Variants in GABRG3 observed in about 807,000 individuals in gnomAD.
The protein encoded by GABRG3 is gamma-aminobutyric acid receptor subunit gamma-3.
A neutral mutation model predicts 48.8 loss-of-function variants in GABRG3; 25 were observed. The observed-to-expected ratio is 0.51, with a 90% CI of 0.37 to 0.72. The LOEUF (loss-of-function observed/expected upper bound fraction) is 0.72, where lower values mean the gene tolerates loss of function less well. GABRG3 is among the 30% of genes least tolerant of loss of function. GABRG3 has a pLI of 0.00. For synonymous variants in GABRG3, 227 were observed against 217.6 expected (o/e 1.04, Z -0.38); for missense variants, 394 against 577.9 (o/e 0.68, Z 3.26).
intron 2 of GABRG3, among the ~76,000 whole-genome samples, chr15:27,025,024 CA>C (rs34897569): frequency 1.5e-3 from 133 of 91,634 alleles, no homozygotes; most frequent in Non-Finnish European, 1.6e-3. Context: ...GACCCTGTCT[CA>C]AAAAAAAAAA....
At chr15:27,216,778 A>ATTTTTTTTTTTTTTTTTTT (rs57030355) in intron 3 of GABRG3, among the ~76,000 whole-genome samples, 2 of 119,624 alleles carry the variant, frequency 1.7e-5, no homozygotes, top group African/African-American at 3.2e-5. Context: ...TTATTTTTTA[A>ATTTTTTTTTTTTTTTTTTT]TTTTTTTTTT....
At chr15:27,388,155 GAAGA>G (rs1164964378) in intron 5 of GABRG3, among the ~76,000 whole-genome samples, 5 of 77,298 alleles carry the variant, frequency 6.5e-5, no homozygotes, top group African/African-American at 7.8e-5. Flanking sequence ...AGGAAGGAAG[GAAGA>G]AAGGAAGGAA....
chr15:27,471,096 T>C (rs950933016), intron 5 of GABRG3, among the ~76,000 whole-genome samples: 1 of 152,122 alleles, frequency 6.6e-6, no homozygotes, highest in Non-Finnish European at 1.5e-5. Context: ...ATTACTCAGA[T>C]CAGCCTCTCC....
At chr15:27,531,509 C>A (rs553197809) in intron 9 of GABRG3, among the ~76,000 whole-genome samples, 16 of 152,346 alleles carry the variant, frequency 1.1e-4, no homozygotes, top group Admixed American at 1.3e-4. Flanking sequence ...CACACCCAGG[C>A]AAAGGCCCTT....
chr15:27,430,410 A>T (rs7175496), intron 5 of GABRG3, among the ~76,000 whole-genome samples: 35,878 of 151,874 alleles, frequency 0.24, 5,944 homozygotes, highest in African/African-American at 0.45. Flanking sequence ...TAAATTAAAA[A>T]TAATTTGACC....
chr15:27,075,183 G>A (rs1314296159), intron 3 of GABRG3, among the ~76,000 whole-genome samples: 1 of 152,168 alleles, frequency 6.6e-6, no homozygotes, highest in Non-Finnish European at 1.5e-5. Flanking sequence ...TTCTTAAGAT[G>A]AGGTGAAAAT....
intron 3 of GABRG3, among the ~76,000 whole-genome samples, chr15:27,325,110 G>A (rs1235033385): frequency 7.6e-6 from 1 of 132,180 alleles, no homozygotes; most frequent in African/African-American, 3.5e-5. Context: ...ACCTGCTTTC[G>A]TTTCATTTCA....
At chr15:26,996,681 G>A (rs1420012522) in intron 2 of GABRG3, among the ~76,000 whole-genome samples, 2 of 150,638 alleles carry the variant, frequency 1.3e-5, no homozygotes, top group African/African-American at 4.9e-5. Context: ...ACAGAGTCTT[G>A]CTCAGTCACC....
chr15:27,280,356 C>G (rs1164069247), intron 3 of GABRG3: 3 of 152,102 alleles, frequency 2.0e-5, no homozygotes, highest in Admixed American at 2.0e-4. Flanking sequence ...GTCTCCTATT[C>G]AAGTGCTGAC....
intron 5 of GABRG3, among the ~76,000 whole-genome samples, chr15:27,453,288 A>G (rs1218464084): frequency 6.6e-6 from 1 of 152,232 alleles, no homozygotes; most frequent in Admixed American, 6.5e-5. Context: ...TTCTCCTCAC[A>G]CACACATACT....
intron 3 of GABRG3, among the ~76,000 whole-genome samples, chr15:27,111,663 C>T (rs1041958044): frequency 6.6e-6 from 1 of 152,134 alleles, no homozygotes; most frequent in Non-Finnish European, 1.5e-5. Context: ...GGGTCTACGC[C>T]TTGTAGCTGT....
At chr15:27,112,917 A>G (rs1566938543) in intron 3 of GABRG3, among the ~76,000 whole-genome samples, 1 of 152,174 alleles carries the variant, frequency 6.6e-6, no homozygotes, top group South Asian at 2.1e-4. Flanking sequence ...ATCCCTTACA[A>G]CATGGAAACT....
At chr15:27,374,490 C>T (rs1181324592) in intron 5 of GABRG3, among the ~76,000 whole-genome samples, 1 of 151,968 alleles carries the variant, frequency 6.6e-6, no homozygotes, top group Non-Finnish European at 1.5e-5. Flanking sequence ...TTTTATTTGC[C>T]TGTTTTCAAG....
chr15:27,458,563 T>C (rs1480183484), intron 5 of GABRG3, among the ~76,000 whole-genome samples: 1 of 152,162 alleles, frequency 6.6e-6, no homozygotes, highest in East Asian at 1.9e-4. Flanking sequence ...CTCCATCTCA[T>C]TATCCAGCTG....
intron 3 of GABRG3, among the ~76,000 whole-genome samples, chr15:27,164,831 A>G (rs1193010195): frequency 6.6e-6 from 1 of 152,234 alleles, no homozygotes; most frequent in Non-Finnish European, 1.5e-5. Flanking sequence ...TCTTCTCATC[A>G]TAATCTGTAC....
At chr15:27,156,298 CAAAAA>C (rs34055206) in intron 3 of GABRG3, among the ~76,000 whole-genome samples, 5 of 78,122 alleles carry the variant, frequency 6.4e-5, no homozygotes, top group South Asian at 5.2e-4. Flanking sequence ...CACTCTGTCT[CAAAAA>C]AAAAAAAAAA....
intron 5 of GABRG3, among the ~76,000 whole-genome samples, chr15:27,355,961 G>A (rs1566803241): frequency 6.6e-6 from 1 of 152,174 alleles, no homozygotes. Context: ...GTTGGGATTG[G>A]GGAATGGGGA....
intron 2 of GABRG3, among the ~76,000 whole-genome samples, chr15:27,021,272 T>C (rs1464476656): frequency 6.6e-6 from 1 of 152,142 alleles, no homozygotes; most frequent in African/African-American, 2.4e-5. Context: ...GTTAAGTAAT[T>C]ATAACTTTAC....
In GABRG3 at chr15:27,306,242, CATA is replaced by C. The variant is rs1410111602; in HGVS notation, c.271-20563_271-20561del. Among the ~76,000 whole-genome samples the C allele has an allele frequency of 2.0e-4, 27 of 132,992 alleles. 1 individual carries two copies. Among genetic ancestry groups the C allele is most frequent in the African/African-American group, 4.1e-4 (14 of 34,566 alleles). 87.2% of individuals were successfully genotyped at this position (132,992 alleles called of 152,430 possible). On this transcript the variant is annotated intron_variant, in intron 3 of 9. Coordinates refer to ENST00000615808, the MANE Select transcript of GABRG3 (RefSeq NM_033223.5). ...TATAAACATATGTTCTATATATAAA[CATA>C]ATATAAACATGTCTATATGTAAACA...
Sources: allele counts gnomAD v4.1 joint callset (sites outside exome capture counted in the v4.1 genomes callset), GRCh38; gene constraint gnomAD v4.1.1; transcripts MANE v1.5; gene names NCBI Gene and HGNC (gene_info 2026-07-23, HGNC 2026-07-21).